The following GYPE variants were observed in gnomAD, a reference collection of about 807,000 sequenced individuals.
GYPE encodes glycophorin-E.
Under a neutral mutation model 11.6 loss-of-function variants are expected in GYPE, and 8 were observed. The observed-to-expected ratio is 0.69, with a 90% confidence interval of 0.41 to 1.25. The LOEUF is 1.25. Ranked by LOEUF, GYPE falls within the 50% of genes most tolerant of loss-of-function variation. GYPE has a pLI of 0.01. For missense variants in GYPE, 90 were observed against 92.8 expected, an observed-to-expected ratio of 0.97 and a Z score of 0.12; for synonymous variants, 28 against 29.6, an observed-to-expected ratio of 0.94 and a Z score of 0.18.
chr4:143,886,646 T>C (rs1363812589), intron 1 of GYPE, among the ~76,000 whole-genome samples: 4 of 117,732 alleles, frequency 3.4e-5, no homozygotes, highest in African/African-American at 1.2e-4. Context: ...TAGAAAGCAT[T>C]GAAGCAAACT....
intron 2 of GYPE, among the ~76,000 whole-genome samples, chr4:143,878,921 T>C (rs567312969): frequency 9.2e-5 from 14 of 152,300 alleles, no homozygotes; most frequent in African/African-American, 3.1e-4. Flanking sequence ...CAAATTGTCT[T>C]ATAACTGAGG....
chr4:143,874,181 T>G (rs1012838716), intron 3 of GYPE, among the ~76,000 whole-genome samples: 2 of 152,116 alleles, frequency 1.3e-5, no homozygotes. Context: ...GTAATATAGT[T>G]TTGTTACAGA....
intron 1 of GYPE, among the ~76,000 whole-genome samples, chr4:143,903,524 C>CAAAAAAAAAAAAAAAAAAAAAA (rs11400558): frequency 1.0e-5 from 1 of 98,846 alleles, no homozygotes; most frequent in Non-Finnish European, 1.9e-5. Context: ...TTTTTCATAG[C>CAAAAAAAAAAAAAAAAAAAAAA]AAAAAAAAAA....
chr4:143,880,949 G>A (rs1432731387), intron 1 of GYPE, among the ~76,000 whole-genome samples: 1 of 152,240 alleles, frequency 6.6e-6, no homozygotes, highest in African/African-American at 2.4e-5. Flanking sequence ...GTAACTTGAA[G>A]TTGCATTTTG....
intron 1 of GYPE, among the ~76,000 whole-genome samples, chr4:143,904,561 G>C (rs1169081148): frequency 1.3e-5 from 2 of 152,084 alleles, no homozygotes; most frequent in African/African-American, 4.8e-5. Context: ...AGAAAATGCT[G>C]ATCTCTCTTC....
intron 3 of GYPE, chr4:143,873,568 T>C (rs2323375): frequency 3.1e-5 from 13 of 416,916 alleles, no homozygotes; most frequent in Non-Finnish European, 4.8e-5. Flanking sequence ...TATATGATGC[T>C]CTGATAGCAT....
At chr4:143,881,339 AT>A (rs1254361309) in intron 1 of GYPE, among the ~76,000 whole-genome samples, 6 of 152,064 alleles carry the variant, frequency 3.9e-5, no homozygotes, top group African/African-American at 1.2e-4. Context: ...TTTATAAGTT[AT>A]TTTATAAAAT....
chr4:143,877,197 C>A (rs915129413), intron 2 of GYPE, among the ~76,000 whole-genome samples: 7 of 152,094 alleles, frequency 4.6e-5, no homozygotes, highest in African/African-American at 9.7e-5. Flanking sequence ...GGGGAAAAAA[C>A]CACAAATTCT....
chr4:143,900,339 G>T (rs113319036), intron 1 of GYPE, among the ~76,000 whole-genome samples: 2,498 of 124,864 alleles, frequency 0.02, 112 homozygotes, highest in African/African-American at 0.069. Context: ...CATACACTCT[G>T]GTGAAAAGGT....
intron 1 of GYPE, among the ~76,000 whole-genome samples, chr4:143,883,945 G>T (rs1361324137): frequency 6.6e-6 from 1 of 152,092 alleles, no homozygotes; most frequent in Non-Finnish European, 1.5e-5. Flanking sequence ...TGTTCAGCAG[G>T]ATGTTAGGGA....
chr4:143,902,533 C>T (rs1578983065), intron 1 of GYPE, among the ~76,000 whole-genome samples: 1 of 152,040 alleles, frequency 6.6e-6, no homozygotes, highest in African/African-American at 2.4e-5. Context: ...CCTGTCTCTT[C>T]CTTTCCCTTC....
At chr4:143,876,617 T>C (rs866614865) in intron 3 of GYPE, 129 bp downstream of exon 3, 11 of 624,786 alleles carry the variant, frequency 1.8e-5, no homozygotes, top group Middle Eastern at 4.4e-4. Context: ...CTTCTATGTG[T>C]CCAGTTGAAA....
chr4:143,905,122 T>C (rs926555735), intron 1 of GYPE, among the ~76,000 whole-genome samples: 8 of 152,330 alleles, frequency 5.3e-5, no homozygotes, highest in African/African-American at 1.9e-4. Flanking sequence ...TTAATAACTC[T>C]TTAGTTTGGA....
intron 1 of GYPE, among the ~76,000 whole-genome samples, chr4:143,881,777 C>A (rs967880540): frequency 6.6e-6 from 1 of 152,164 alleles, no homozygotes; most frequent in Admixed American, 6.5e-5. Flanking sequence ...GTACCCTGAA[C>A]TCTGTAGATG....
chr4:143,878,713 TA>T (rs1743905176), intron 2 of GYPE: 1 of 484,466 alleles, frequency 2.1e-6, no homozygotes, highest in Non-Finnish European at 4.3e-6. Context: ...TCCAAATAAG[TA>T]AGACGTGCAA....
intron 1 of GYPE, among the ~76,000 whole-genome samples, chr4:143,899,222 C>T (rs573328523): frequency 4.9e-4 from 73 of 149,368 alleles, no homozygotes; most frequent in African/African-American, 1.5e-3. Flanking sequence ...GTAAGAGTAA[C>T]GGAGCCAATC....
chr4:143,882,029 C>T (rs1744038632), intron 1 of GYPE, among the ~76,000 whole-genome samples: 1 of 152,108 alleles, frequency 6.6e-6, no homozygotes, highest in Non-Finnish European at 1.5e-5. Context: ...ATCAGTTTAC[C>T]TCCAAATCAT....
At chr4:143,899,542 C>T (rs1310184071) in intron 1 of GYPE, among the ~76,000 whole-genome samples, 1 of 152,108 alleles carries the variant, frequency 6.6e-6, no homozygotes, top group Non-Finnish European at 1.5e-5. Flanking sequence ...GAACAAAGTT[C>T]AGTGAATCAC....
chr4:143,874,041 C>A (rs1743703068), intron 3 of GYPE, among the ~76,000 whole-genome samples: 1 of 151,992 alleles, frequency 6.6e-6, no homozygotes, highest in Non-Finnish European at 1.5e-5. Flanking sequence ...CCCATGTAGA[C>A]TAATGTAACT....
Sources: gnomAD v4.1 joint callset for allele counts (sites outside exome capture counted in the v4.1 genomes callset) on GRCh38, gnomAD v4.1.1 for gene constraint, MANE v1.5 for transcripts, NCBI Gene and HGNC (gene_info 2026-07-23, HGNC 2026-07-21) for gene names.